Variants in CRPPA observed in about 807,000 individuals in gnomAD.
CRPPA encodes CDP-L-ribitol pyrophosphorylase A, also known as D-ribitol-5-phosphate cytidylyltransferase.
Under a neutral mutation model 52.0 loss-of-function variants are expected in CRPPA, and 43 were observed. The ratio of observed to expected loss-of-function variants is 0.83; its 90% CI spans 0.65 to 1.07. CRPPA has a LOEUF of 1.07. Among genes scored for constraint, CRPPA ranks in the 50% least tolerant of loss-of-function variants. The pLI, the probability that CRPPA is intolerant of heterozygous loss-of-function variation, is 0.00. For missense variants in CRPPA, 629 were observed against 551.7 expected (o/e 1.14, Z -1.40); for synonymous variants, 250 against 203.5 (o/e 1.23, Z -1.94).
At chr7:16,123,733 C>T (rs897962304) in intron 9 of CRPPA, among the ~76,000 whole-genome samples, 5 of 152,072 alleles carry the variant, frequency 3.3e-5, no homozygotes, top group African/African-American at 7.2e-5. Flanking sequence ...ATTCTAAATT[C>T]GTGATTGTTT....
chr7:16,394,273 A>G (rs17617685), intron 2 of CRPPA, among the ~76,000 whole-genome samples: 1,684 of 152,290 alleles, frequency 0.011, 13 homozygotes, highest in Non-Finnish European at 0.017. Flanking sequence ...TACGGTATAT[A>G]CAGTAGTGAT....
chr7:16,325,803 A>G (rs1388121103), intron 3 of CRPPA, among the ~76,000 whole-genome samples: 2 of 152,002 alleles, frequency 1.3e-5, no homozygotes, highest in Non-Finnish European at 2.9e-5. Context: ...AAAGGATTTG[A>G]TTTTTAACAT....
At chr7:16,240,572 T>TACAC (rs71549978) in intron 8 of CRPPA, among the ~76,000 whole-genome samples, 3,891 of 148,086 alleles carry the variant, frequency 0.026, 64 homozygotes, top group African/African-American at 0.056. Flanking sequence ...TTATTACACA[T>TACAC]ACACACACAC....
intron 9 of CRPPA, among the ~76,000 whole-genome samples, chr7:16,170,231 G>A (rs566210937): frequency 1.3e-4 from 20 of 152,242 alleles, no homozygotes; most frequent in South Asian, 6.2e-4. Context: ...GAGAGTAAAC[G>A]ATTACAATTA....
intron 9 of CRPPA, among the ~76,000 whole-genome samples, chr7:16,159,311 T>G (rs1301743531): frequency 6.6e-6 from 1 of 152,146 alleles, no homozygotes; most frequent in African/African-American, 2.4e-5. Context: ...ATATCCTGGA[T>G]AGCAGTGCTT....
At chr7:16,180,613 T>A (rs1329226385) in intron 9 of CRPPA, among the ~76,000 whole-genome samples, 2 of 152,088 alleles carry the variant, frequency 1.3e-5, no homozygotes, top group Non-Finnish European at 2.9e-5. Flanking sequence ...AATATATTCA[T>A]CTAACAATAT....
At chr7:16,238,128 G>GA (rs1160445768) in intron 8 of CRPPA, among the ~76,000 whole-genome samples, 2 of 151,816 alleles carry the variant, frequency 1.3e-5, no homozygotes, top group Admixed American at 6.6e-5. Context: ...CCTTATTTTA[G>GA]AAAAAAACAG....
intron 8 of CRPPA, among the ~76,000 whole-genome samples, chr7:16,234,593 T>C (rs1210624665): frequency 1.3e-5 from 2 of 152,160 alleles, no homozygotes; most frequent in African/African-American, 4.8e-5. Context: ...AATGTAGCCA[T>C]TACTTGAGTT....
chr7:16,296,660 TTA>T (rs1386683017), intron 5 of CRPPA, among the ~76,000 whole-genome samples: 5 of 152,034 alleles, frequency 3.3e-5, no homozygotes, highest in Admixed American at 1.3e-4. Context: ...AGGAAATCTG[TTA>T]TGTCTAGATA....
chr7:16,218,875 CA>C (rs1307505197), intron 8 of CRPPA, among the ~76,000 whole-genome samples: 5 of 151,032 alleles, frequency 3.3e-5, no homozygotes, highest in Non-Finnish European at 7.4e-5. Flanking sequence ...CAACATTAGA[CA>C]GATCAACGAG....
intron 2 of CRPPA, among the ~76,000 whole-genome samples, chr7:16,383,566 T>C (rs1382817808): frequency 6.6e-6 from 1 of 152,208 alleles, no homozygotes. Flanking sequence ...GTTACTGCTG[T>C]CTTTTTGTTT....
chr7:16,111,167 G>A (rs1340457395), intron 9 of CRPPA, among the ~76,000 whole-genome samples: 1 of 152,004 alleles, frequency 6.6e-6, no homozygotes, highest in Admixed American at 6.6e-5. Flanking sequence ...GCCAACAAGT[G>A]TATGAAAAAA....
At chr7:16,281,609 A>G (rs1192219306) in intron 5 of CRPPA, among the ~76,000 whole-genome samples, 1 of 152,244 alleles carries the variant, frequency 6.6e-6, no homozygotes, top group African/African-American at 2.4e-5. Context: ...TAATTATACT[A>G]TTCGCACATA....
intron 3 of CRPPA, among the ~76,000 whole-genome samples, chr7:16,325,239 T>C (rs549790720): frequency 2.7e-4 from 41 of 152,342 alleles, no homozygotes; most frequent in Non-Finnish European, 5.7e-4. Context: ...CCTTAAATGC[T>C]ATGTACTCCT....
At position 16,252,217 on chromosome 7, in the gene CRPPA, C is replaced by G. The variant is rs574198081; in HGVS notation, c.1119+6173G>C. ...AGCCTATCCACTGCAATCAAGTCGG[C>G]TTCATCCCTGGGATGCAAGGCTGGG... On this transcript the variant is annotated intron_variant, in intron 8 of 9. Transcript: ENST00000407010. Among the ~76,000 whole-genome samples, 10 of 151,924 alleles carry G rather than the reference C, an allele frequency of 6.6e-5. 1 individual carries two copies. The highest frequency in any genetic ancestry group is 2.4e-4 in the African/African-American group (10 of 41,474).
intron 5 of CRPPA, among the ~76,000 whole-genome samples, chr7:16,291,591 G>C (rs1016331881): frequency 6.6e-6 from 1 of 152,068 alleles, no homozygotes. Context: ...GGGAAGTGTA[G>C]TGGAGAAAGA....
intron 3 of CRPPA, among the ~76,000 whole-genome samples, chr7:16,366,085 G>C (rs1786581661): frequency 6.6e-6 from 1 of 152,224 alleles, no homozygotes. Context: ...CCCTGTGTTT[G>C]ATGAGGACCC....
At chr7:16,092,196 C>T (rs1475148404) in intron 9 of CRPPA, among the ~76,000 whole-genome samples, 1 of 151,972 alleles carries the variant, frequency 6.6e-6, no homozygotes, top group Non-Finnish European at 1.5e-5. Flanking sequence ...TTTGTGAGTA[C>T]CGGTATAGGG....
At chr7:16,180,924 T>C (rs1781400335) in intron 9 of CRPPA, among the ~76,000 whole-genome samples, 1 of 152,052 alleles carries the variant, frequency 6.6e-6, no homozygotes, top group South Asian at 2.1e-4. Flanking sequence ...TGCCTTATTC[T>C]TGTGCTTTTA....
Sources: allele counts gnomAD v4.1 joint callset (sites outside exome capture counted in the v4.1 genomes callset), GRCh38; gene constraint gnomAD v4.1.1; transcripts MANE v1.5; gene names NCBI Gene and HGNC (gene_info 2026-07-23, HGNC 2026-07-21).